BBS4: variants seen among roughly 807,000 people sequenced by gnomAD.
BBS4 encodes Bardet-Biedl syndrome 4, also known as BBSome complex member BBS4.
Under a neutral mutation model 71.4 loss-of-function variants are expected in BBS4, and 58 were observed. The ratio of observed to expected loss-of-function variants is 0.81; its 90% CI spans 0.66 to 1.01. The LOEUF (loss-of-function observed/expected upper bound fraction) is 1.01. Ranked by LOEUF, BBS4 falls within the 50% of genes least tolerant of loss-of-function variation. The pLI, the probability that BBS4 is intolerant of heterozygous loss-of-function variation, is 0.00. For synonymous variants in BBS4, 228 were observed against 216.8 expected (o/e 1.05, Z -0.46); for missense variants, 660 against 607.9 (o/e 1.09, Z -0.90).
chr15:72,735,888 C>A lies in BBS4; in HGVS notation c.1170C>A (p.Asn390Lys). The change falls in exon 14 of 16, where the codon AAC becomes AAA. Residue 390 changes from asparagine (N) to lysine (K), a missense_variant. Asn to Lys is a moderately conservative substitution (Grantham distance 94, BLOSUM62 0). Transcript: ENST00000268057. ...VLLYNQGEKK[N>K]ALAQYQEMEK... ...TGTACAACCAGGGCGAGAAGAAGAACGCCCTGGCCCAATATCAGGAGATGG... is the reference window on the plus strand; with the variant it reads ...TGTACAACCAGGGCGAGAAGAAGAAAGCCCTGGCCCAATATCAGGAGATGG... 2 of 1,614,070 alleles carry A rather than the reference C, an allele frequency of 1.2e-6. No individual in the cohort carries two copies. Among genetic ancestry groups the A allele is most frequent in the South Asian group, 1.1e-5 (1 of 91,086 alleles).
At chr15:72,729,128 TTTTC>T (rs1423710778) in intron 9 of BBS4, among the ~76,000 whole-genome samples, 2 of 151,264 alleles carry the variant, frequency 1.3e-5, no homozygotes, top group Admixed American at 6.6e-5. Flanking sequence ...GGATTTTTAG[TTTTC>T]TTTCTTTATT....
In BBS4 at chr15:72,737,044, A is replaced by T. The variant is rs151029167; in HGVS notation, c.1450+81A>T. 7 of 1,506,094 alleles carry T rather than the reference A, an allele frequency of 4.6e-6. No individual in the cohort carries two copies. In the African/African-American group the frequency reaches 9.6e-5, roughly 21 times the overall value. The allele number at this position is 1,506,094 out of a possible 1,614,324, so 93.3% of individuals were successfully genotyped here. On this transcript the variant is annotated intron_variant, in intron 15 of 15. Transcript: ENST00000268057. ...TCAGCAGAGATTATAGCTTTCAGTG[A>T]GGTTCTCTTCAGACTCATATGTCCA...
chr15:72,736,389 G>A (rs552084373), intron 14 of BBS4, among the ~76,000 whole-genome samples: 103 of 151,954 alleles, frequency 6.8e-4, no homozygotes, highest in African/African-American at 2.3e-3. Context: ...CTACAGGCGC[G>A]TGCCACCACG....
chr15:72,729,951 G>C (rs1282321074), intron 10 of BBS4, among the ~76,000 whole-genome samples: 1 of 152,142 alleles, frequency 6.6e-6, no homozygotes, highest in Non-Finnish European at 1.5e-5. Flanking sequence ...TGTTACTTAG[G>C]AAATTAGCAA....
chr15:72,724,817 G>T (rs1297043655), intron 8 of BBS4, among the ~76,000 whole-genome samples, 162 bp downstream of exon 8: 1 of 152,166 alleles, frequency 6.6e-6, no homozygotes. Flanking sequence ...CAATAAGGTA[G>T]ACTGTGTTTC....
intron 9 of BBS4, 75 bp from the exon 10 acceptor site, chr15:72,729,541 C>T (rs926272305): frequency 1.1e-5 from 16 of 1,411,244 alleles, no homozygotes; most frequent in Middle Eastern, 1.7e-4. Flanking sequence ...TTAGCCACCA[C>T]GCCTGGTCTG....
intron 1 of BBS4, among the ~76,000 whole-genome samples, chr15:72,688,191 CTG>C (rs1215926060): frequency 1.3e-5 from 2 of 151,512 alleles, no homozygotes; most frequent in Non-Finnish European, 2.9e-5. Context: ...GAACTTGAGT[CTG>C]TGACGGCAGA....
intron 6 of BBS4, among the ~76,000 whole-genome samples, chr15:72,720,640 C>T (rs1171020175): frequency 6.6e-6 from 1 of 152,034 alleles, no homozygotes; most frequent in Non-Finnish European, 1.5e-5. Context: ...GGAGAATTTC[C>T]CCCATTGACA....
intron 1 of BBS4, chr15:72,686,595 T>C (rs2064846273): frequency 7.3e-7 from 1 of 1,370,744 alleles, no homozygotes; most frequent in Non-Finnish European, 9.6e-7. Flanking sequence ...AGACAGTTCC[T>C]GTTAATCCCG....
At chr15:72,702,802 CTTTTTTTTTT>C (rs59816410) in intron 2 of BBS4, among the ~76,000 whole-genome samples, 2 of 73,484 alleles carry the variant, frequency 2.7e-5, no homozygotes, top group Non-Finnish European at 5.0e-5. Flanking sequence ...GGAGCTGACT[CTTTTTTTTTT>C]TTTTTTTTTT....
intron 14 of BBS4, 109 bp from the exon 15 acceptor site, chr15:72,736,653 C>T (rs903834539): frequency 8.0e-5 from 82 of 1,019,516 alleles, no homozygotes; most frequent in Admixed American, 3.9e-4. Flanking sequence ...ACTGCTAGTA[C>T]GACCAGACAC....
In BBS4 at chr15:72,713,020, C is replaced by CT. The variant is rs879762255; in HGVS notation, c.220+725dup. On this transcript the variant is annotated intron_variant, in intron 4 of 15. Transcript: ENST00000268057. ...TCTATAAGCTTTTTTCTTTTTCTTTCTTTTTTTTTTTTGGTAGAGAGACAG... is the reference window on the plus strand; with the variant it reads ...TCTATAAGCTTTTTTCTTTTTCTTTCTTTTTTTTTTTTTGGTAGAGAGACAG... Among the ~76,000 whole-genome samples, 196 of 141,402 alleles carry CT rather than the reference C, an allele frequency of 1.4e-3. 1 individual carries two copies. Among genetic ancestry groups the CT allele is most frequent in the East Asian group, 0.013 (66 of 4,946 alleles). 92.8% of individuals were successfully genotyped at this position (141,402 alleles called of 152,430 possible).
intron 4 of BBS4, among the ~76,000 whole-genome samples, chr15:72,714,220 C>CTTTTTTT (rs58123834): frequency 1.0e-4 from 10 of 98,444 alleles, no homozygotes; most frequent in East Asian, 3.1e-4. Context: ...CACTCACTTA[C>CTTTTTTT]TTTTTTTTTT....
intron 6 of BBS4, chr15:72,717,364 TG>T (rs1306419573): frequency 3.9e-5 from 6 of 153,936 alleles, no homozygotes; most frequent in Non-Finnish European, 7.2e-5. Flanking sequence ...AATTCGTTTT[TG>T]TTTTTTTTTT....
At chr15:72,732,322 A>T (rs977362276) in intron 12 of BBS4, among the ~76,000 whole-genome samples, 1 of 152,224 alleles carries the variant, frequency 6.6e-6, no homozygotes, top group Non-Finnish European at 1.5e-5. Context: ...ATAGAATGCC[A>T]TTCTCTTCCT....
At chr15:72,698,659 A>C (rs533543009) in intron 2 of BBS4, among the ~76,000 whole-genome samples, 1 of 152,278 alleles carries the variant, frequency 6.6e-6, no homozygotes, top group African/African-American at 2.4e-5. Context: ...TTTTCCTTAG[A>C]GTCTTTATAT....
rs2064948957 is a variant in BBS4, at chr15:72,689,779, T to TC, written c.24+3528_24+3529insC. Reference sequence around the variant, plus strand: ...CTTTCATGATTTGTGCTTATAAATCTTTTTATTTATTTATTTATTTATTTA... The same window carrying TC: ...CTTTCATGATTTGTGCTTATAAATCTCTTTTATTTATTTATTTATTTATTTA... On this transcript the variant is annotated intron_variant, in intron 1 of 15. Transcript: ENST00000268057. Among the ~76,000 whole-genome samples the TC allele has an allele frequency of 5.5e-5, 8 of 146,324 alleles. No homozygotes were observed. In the South Asian group the frequency reaches 1.7e-3, roughly 31 times the overall value.
chr15:72,688,951 G>A (rs1214046403), intron 1 of BBS4, among the ~76,000 whole-genome samples: 1 of 151,746 alleles, frequency 6.6e-6, no homozygotes, highest in Non-Finnish European at 1.5e-5. Flanking sequence ...CCTCTCAGAA[G>A]CCCCTCTCTC....
At chr15:72,719,535 TC>T (rs1410478456) in intron 6 of BBS4, among the ~76,000 whole-genome samples, 8 of 151,242 alleles carry the variant, frequency 5.3e-5, no homozygotes, top group Non-Finnish European at 4.4e-5. Flanking sequence ...GTGTGAGCCA[TC>T]AAAAAGCAAT....
Sources: allele counts gnomAD v4.1 joint callset (sites outside exome capture counted in the v4.1 genomes callset), GRCh38; gene constraint gnomAD v4.1.1; transcripts MANE v1.5; gene names NCBI Gene and HGNC (gene_info 2026-07-23, HGNC 2026-07-21).